The following EBF1 variants were observed in gnomAD, a reference collection of about 807,000 sequenced individuals.
EBF1 encodes the protein transcription factor COE1.
Under a neutral mutation model 68.4 loss-of-function variants are expected in EBF1, and 10 were observed. That is an observed-to-expected ratio of 0.15 (90% confidence interval 0.09 to 0.25). The LOEUF (loss-of-function observed/expected upper bound fraction) is 0.25. EBF1 is among the 10% of genes least tolerant of loss of function. EBF1 has a pLI of 1.00. For synonymous variants in EBF1, 298 were observed against 299.8 expected (o/e 0.99, Z 0.06); for missense variants, 509 against 794.4 (o/e 0.64, Z 4.32).
At chr5:159,035,883 G>A (rs963105966) in intron 6 of EBF1, among the ~76,000 whole-genome samples, 1 of 152,136 alleles carries the variant, frequency 6.6e-6, no homozygotes, top group Non-Finnish European at 1.5e-5. Context: ...TCCTTTTGGG[G>A]TTCGAAGGAC....
intron 4 of EBF1, among the ~76,000 whole-genome samples, chr5:159,085,792 A>G (rs990116786): frequency 6.6e-6 from 1 of 152,066 alleles, no homozygotes; most frequent in Admixed American, 6.6e-5. Context: ...ATATATCTTT[A>G]TATAGTACAT....
chr5:158,769,366 C>T (rs1318833860), intron 10 of EBF1, among the ~76,000 whole-genome samples: 4 of 151,972 alleles, frequency 2.6e-5, no homozygotes, highest in Non-Finnish European at 4.4e-5. Flanking sequence ...TATAAGGCCT[C>T]GTGGCCATTT....
rs1036741635 is a variant in EBF1, at chr5:158,697,357, A to T, written c.*1754T>A. ...AGACAATGACTTTTGGGTGGAAATT[A>T]AAAAAACTGAAGCATGGTTTATAAC... On this transcript the variant is annotated 3_prime_UTR_variant, in exon 16 of 16. Coordinates refer to ENST00000313708, the MANE Select transcript of EBF1 (RefSeq NM_024007.5). The T allele has an allele frequency of 5.1e-5, 10 of 197,404 alleles. No homozygotes were observed. The highest frequency in any genetic ancestry group is 7.3e-5 in the Non-Finnish European group (7 of 95,888). 12.2% of individuals were successfully genotyped at this position (197,404 alleles called of 1,614,324 possible). A position where few individuals can be genotyped will look rare whatever the true frequency, so the allele number is the denominator to read the frequency against.
At chr5:158,903,498 T>C (rs1452607344) in intron 6 of EBF1, among the ~76,000 whole-genome samples, 2 of 152,268 alleles carry the variant, frequency 1.3e-5, no homozygotes, top group Admixed American at 6.5e-5. Context: ...GGTGCCCTCA[T>C]GCTCTGTCCT....
chr5:159,030,816 A>T (rs1584092681), intron 6 of EBF1, among the ~76,000 whole-genome samples: 1 of 152,206 alleles, frequency 6.6e-6, no homozygotes. Context: ...TGTTCAGAAC[A>T]GGACTTTATG....
chr5:158,704,285 G>A (rs763582633), intron 15 of EBF1, among the ~76,000 whole-genome samples: 11 of 152,196 alleles, frequency 7.2e-5, no homozygotes, highest in African/African-American at 1.2e-4. Context: ...ATAAATATGC[G>A]TGTAGTAACC....
intron 7 of EBF1, among the ~76,000 whole-genome samples, chr5:158,831,257 G>T (rs1787495663): frequency 6.6e-6 from 1 of 152,146 alleles, no homozygotes. Flanking sequence ...GAAATCAGGA[G>T]CAAGAAAATG....
intron 6 of EBF1, among the ~76,000 whole-genome samples, chr5:158,845,409 G>A (rs1791258315): frequency 1.3e-5 from 2 of 152,104 alleles, no homozygotes; most frequent in South Asian, 4.2e-4. Context: ...ACCTCTCTGT[G>A]CCTCAATTTT....
intron 9 of EBF1, 89 bp from the exon 10 acceptor site, chr5:158,777,628 A>T: frequency 7.4e-7 from 1 of 1,353,092 alleles, no homozygotes; most frequent in Non-Finnish European, 9.9e-7. Flanking sequence ...CAAAGCTTTA[A>T]AACACATAAT....
Position 158,887,831 on chromosome 5 carries a change from G to A in EBF1, c.555-47721C>T, listed in dbSNP as rs118069978. On this transcript the variant is annotated intron_variant, in intron 6 of 15. Coordinates refer to ENST00000313708, the MANE Select transcript of EBF1 (RefSeq NM_024007.5). Reference sequence around the variant, plus strand: ...TGGGTTATGAAAAAATATATTTAAAGCATTCATGTTTATGATTCAAAGAGT... The same window carrying A: ...TGGGTTATGAAAAAATATATTTAAAACATTCATGTTTATGATTCAAAGAGT... Among the ~76,000 whole-genome samples the A allele has an allele frequency of 4.3e-4, 66 of 152,314 alleles. No individual in the cohort carries two copies. The East Asian group carries it at 0.012, about 28-fold the overall frequency.
chr5:159,078,190 T>C (rs968437207), intron 5 of EBF1, among the ~76,000 whole-genome samples: 2 of 152,184 alleles, frequency 1.3e-5, no homozygotes, highest in African/African-American at 4.8e-5. Context: ...TCTCCTTTGT[T>C]GCCACAATGC....
chr5:159,029,517 G>A lies in EBF1; in HGVS notation c.554+43879C>T, dbSNP rs531041146. On this transcript the variant is annotated intron_variant, in intron 6 of 15. Coordinates refer to ENST00000313708, the MANE Select transcript of EBF1 (RefSeq NM_024007.5). Reference sequence around the variant, plus strand: ...AATGATTATGAAAGGGGAAGAATGCGTGGGGCTATAGGGATTCTACCTCCT... The same window carrying A: ...AATGATTATGAAAGGGGAAGAATGCATGGGGCTATAGGGATTCTACCTCCT... Among the ~76,000 whole-genome samples the A allele has an allele frequency of 1.3e-3, 203 of 152,304 alleles. No individual in the cohort carries two copies. In the Middle Eastern group the frequency reaches 0.017, roughly 13 times the overall value.
At chr5:158,848,808 T>A (rs1302053852) in intron 6 of EBF1, among the ~76,000 whole-genome samples, 1 of 152,210 alleles carries the variant, frequency 6.6e-6, no homozygotes, top group Non-Finnish European at 1.5e-5. Flanking sequence ...TTCTAAGGAC[T>A]CAGAGGGTTT....
chr5:158,936,415 TC>T (rs1812027459), intron 6 of EBF1, among the ~76,000 whole-genome samples: 1 of 152,210 alleles, frequency 6.6e-6, no homozygotes, highest in African/African-American at 2.4e-5. Flanking sequence ...GTTTCCTCCT[TC>T]CTATGTAAAG....
intron 6 of EBF1, among the ~76,000 whole-genome samples, chr5:158,924,556 A>C (rs1008674498): frequency 6.6e-6 from 1 of 152,134 alleles, no homozygotes; most frequent in African/African-American, 2.4e-5. Flanking sequence ...ATGATCTTTT[A>C]AAAATGATAA....
chr5:159,077,153 C>T (rs1478471251), intron 5 of EBF1, among the ~76,000 whole-genome samples: 1 of 152,198 alleles, frequency 6.6e-6, no homozygotes, highest in Non-Finnish European at 1.5e-5. Context: ...ATGCCTTCCC[C>T]TCTGGGCATG....
chr5:159,041,920 T>C (rs981066082), intron 6 of EBF1, among the ~76,000 whole-genome samples: 15 of 152,204 alleles, frequency 9.9e-5, no homozygotes, highest in Non-Finnish European at 4.4e-5. Context: ...ACTACTCACT[T>C]TTGCTTGCAT....
At chr5:159,003,864 A>G (rs1308048886) in intron 6 of EBF1, among the ~76,000 whole-genome samples, 1 of 152,230 alleles carries the variant, frequency 6.6e-6, no homozygotes, top group Non-Finnish European at 1.5e-5. Flanking sequence ...TGGATGAGTA[A>G]GTGGTGTAGT....
intron 6 of EBF1, among the ~76,000 whole-genome samples, chr5:158,904,825 C>A (rs891198259): frequency 2.0e-5 from 3 of 152,142 alleles, no homozygotes; most frequent in Admixed American, 1.3e-4. Context: ...CTCCCTAATA[C>A]ATTTCTCAAA....
Sources: allele counts gnomAD v4.1 joint callset (sites outside exome capture counted in the v4.1 genomes callset), GRCh38; gene constraint gnomAD v4.1.1; transcripts MANE v1.5; gene names NCBI Gene and HGNC (gene_info 2026-07-23, HGNC 2026-07-21).